Variants in ASB3 observed in about 807,000 individuals in gnomAD.
The protein encoded by ASB3 is ankyrin repeat and SOCS box protein 3.
ASB3 carries 41 observed loss-of-function variants against 54.5 expected under a neutral mutation model. The observed-to-expected ratio is 0.75, with a 90% confidence interval of 0.59 to 0.98. The LOEUF (loss-of-function observed/expected upper bound fraction) is 0.98, where lower values mean the gene tolerates loss of function less well. Among genes scored for constraint, ASB3 ranks in the 50% least tolerant of loss-of-function variants. The pLI, the probability that ASB3 is intolerant of heterozygous loss-of-function variation, is 0.00. For missense variants in ASB3, 733 were observed against 620.0 expected (o/e 1.18, Z -1.94); for synonymous variants, 266 against 221.2 (o/e 1.20, Z -1.80).
chr2:53,690,778 A>G (rs1428006887), intron 9 of ASB3, among the ~76,000 whole-genome samples: 1 of 152,006 alleles, frequency 6.6e-6, no homozygotes, highest in Non-Finnish European at 1.5e-5. Context: ...TGTATTATAT[A>G]AACTGTTTTA....
intron 2 of ASB3, among the ~76,000 whole-genome samples, chr2:53,759,677 G>A (rs1375039937): frequency 1.3e-5 from 2 of 152,108 alleles, no homozygotes; most frequent in African/African-American, 4.8e-5. Flanking sequence ...TGCCTAACAG[G>A]GATTGCTTCC....
At chr2:53,764,539 A>G (rs1412336585) in intron 2 of ASB3, among the ~76,000 whole-genome samples, 2 of 152,246 alleles carry the variant, frequency 1.3e-5, no homozygotes, top group East Asian at 1.9e-4. Flanking sequence ...AGCAATGCTC[A>G]GTCACCATTT....
intron 3 of ASB3, among the ~76,000 whole-genome samples, chr2:53,743,564 G>A (rs188812200): frequency 3.7e-4 from 56 of 152,232 alleles, no homozygotes; most frequent in Non-Finnish European, 6.0e-4. Context: ...TTGGAAAAGC[G>A]GGGGGAGAAA....
At chr2:53,707,077 T>C (rs1669819671) in intron 7 of ASB3, among the ~76,000 whole-genome samples, 2 of 152,198 alleles carry the variant, frequency 1.3e-5, no homozygotes, top group Admixed American at 6.5e-5. Context: ...AGAGTTACTA[T>C]GGGTCAATTC....
rs904989118 is a variant in ASB3 at position 53,689,172 on chromosome 2, GA to G, written c.1369+4711del. Among the ~76,000 whole-genome samples, 106 of 145,222 alleles carry G rather than the reference GA, an allele frequency of 7.3e-4. 1 individual carries two copies. In the East Asian group the frequency reaches 0.016, roughly 21 times the overall value. ...AATGAATAAATTTGGGTAGTCAAAGGAAAAAAAAAAGAGAAAGTGATGGAGG... is the reference window on the plus strand; with the variant it reads ...AATGAATAAATTTGGGTAGTCAAAGGAAAAAAAAAGAGAAAGTGATGGAGG... On this transcript the variant is annotated intron_variant, in intron 9 of 9. Coordinates refer to ENST00000263634, the MANE Select transcript of ASB3 (RefSeq NM_016115.5).
At chr2:53,783,251 A>T (rs1229275362) in intron 1 of ASB3, among the ~76,000 whole-genome samples, 2 of 152,198 alleles carry the variant, frequency 1.3e-5, no homozygotes, top group African/African-American at 4.8e-5. Flanking sequence ...TAACTAGATG[A>T]CTAGAAACTG....
At chr2:53,740,928 A>C (rs1458865785) in intron 3 of ASB3, among the ~76,000 whole-genome samples, 1 of 152,234 alleles carries the variant, frequency 6.6e-6, no homozygotes, top group Non-Finnish European at 1.5e-5. Context: ...AGAGTCAAGA[A>C]ACATTTGATT....
intron 9 of ASB3, among the ~76,000 whole-genome samples, chr2:53,687,263 A>C (rs1668679918): frequency 6.6e-6 from 1 of 152,132 alleles, no homozygotes; most frequent in Non-Finnish European, 1.5e-5. Flanking sequence ...TAAAAAAAAA[A>C]CAAAAACAAA....
At chr2:53,755,042 G>A (rs539188982) in intron 2 of ASB3, among the ~76,000 whole-genome samples, 20 of 152,154 alleles carry the variant, frequency 1.3e-4, no homozygotes, top group Admixed American at 3.9e-4. Context: ...TGTTTTTAAT[G>A]CTTTAATCTC....
At chr2:53,693,818 C>A (rs1329316038) in intron 9 of ASB3, 66 bp downstream of exon 9, 3 of 1,552,346 alleles carry the variant, frequency 1.9e-6, no homozygotes, top group East Asian at 2.3e-5. Flanking sequence ...CTTAAAATTA[C>A]AACACAGCTA....
chr2:53,711,262 C>G (rs912089507), intron 7 of ASB3, among the ~76,000 whole-genome samples: 2 of 152,156 alleles, frequency 1.3e-5, no homozygotes, highest in African/African-American at 2.4e-5. Context: ...TCCAAGATTC[C>G]CTACCATTCT....
chr2:53,703,321 A>T (rs1276581458), intron 7 of ASB3, among the ~76,000 whole-genome samples: 1 of 152,248 alleles, frequency 6.6e-6, no homozygotes, highest in African/African-American at 2.4e-5. Context: ...GGATCTATAC[A>T]GTAGTGGAGG....
At chr2:53,685,129 C>T (rs544557090) in intron 9 of ASB3, among the ~76,000 whole-genome samples, 3 of 152,270 alleles carry the variant, frequency 2.0e-5, no homozygotes, top group Non-Finnish European at 4.4e-5. Context: ...TGGGAGAAAT[C>T]GAGTTCTTTT....
At chr2:53,716,408 G>C (rs1038368201) in intron 6 of ASB3, among the ~76,000 whole-genome samples, 158 bp downstream of exon 6, 3 of 152,178 alleles carry the variant, frequency 2.0e-5, no homozygotes, top group Non-Finnish European at 2.9e-5. Context: ...GCAAAAGACA[G>C]CATGAAGGAC....
rs895201239 is a variant in ASB3 at position 53,671,854 on chromosome 2, G to A, written c.1370-1164C>T. 4.3e-5 allele frequency among the ~76,000 whole-genome samples: 5 copies of A among 116,020 alleles called. 1 individual carries two copies. Among genetic ancestry groups the A allele is most frequent in the South Asian group, 5.1e-4 (2 of 3,920 alleles). The allele number at this position is 116,020 out of a possible 152,430, so 76.1% of individuals were successfully genotyped here. A position where few individuals can be genotyped will look rare whatever the true frequency, so the allele number is the denominator to read the frequency against. On this transcript the variant is annotated intron_variant, in intron 9 of 9. Coordinates refer to ENST00000263634, the MANE Select transcript of ASB3 (RefSeq NM_016115.5). ...GTTAATGTCTGCTTTTATGTGAATC[G>A]GACCAAAGCCTTTTGTTAATTCAAG...
chr2:53,712,782 GC>G lies in ASB3; in HGVS notation c.980+1601del, dbSNP rs1450512845. Among the ~76,000 whole-genome samples, 104 of 152,140 alleles carry G rather than the reference GC, an allele frequency of 6.8e-4. No homozygotes were observed. In the East Asian group the frequency reaches 0.013, roughly 20 times the overall value. On this transcript the variant is annotated intron_variant, in intron 7 of 9. Coordinates refer to ENST00000263634, the MANE Select transcript of ASB3 (RefSeq NM_016115.5). ...CACACACACACAGGCGCGCGCGCGCGCGCAATCCAAAATCATTATATTCTGG... is the reference window on the plus strand; with the variant it reads ...CACACACACACAGGCGCGCGCGCGCGGCAATCCAAAATCATTATATTCTGG...
At chr2:53,776,986 T>C (rs577669146) in intron 1 of ASB3, among the ~76,000 whole-genome samples, 1 of 152,344 alleles carries the variant, frequency 6.6e-6, no homozygotes, top group Non-Finnish European at 1.5e-5. Context: ...ATTAGCTTTA[T>C]TGGATTTCAG....
At chr2:53,686,280 G>T (rs1021782843) in intron 9 of ASB3, among the ~76,000 whole-genome samples, 3 of 152,126 alleles carry the variant, frequency 2.0e-5, no homozygotes, top group Non-Finnish European at 4.4e-5. Context: ...GGCCAACCAT[G>T]AAAGACAAAT....
intron 1 of ASB3, chr2:53,772,000 T>C: frequency 1.0e-6 from 1 of 976,400 alleles, no homozygotes; most frequent in East Asian, 2.6e-5. Flanking sequence ...TTGCGATGTT[T>C]CTGTTTCAAT....
Sources: gnomAD v4.1 joint callset for allele counts (sites outside exome capture counted in the v4.1 genomes callset) on GRCh38, gnomAD v4.1.1 for gene constraint, MANE v1.5 for transcripts, NCBI Gene and HGNC (gene_info 2026-07-23, HGNC 2026-07-21) for gene names.